CYP7A1: variants seen among roughly 807,000 people sequenced by gnomAD.
CYP7A1 encodes cytochrome P450 7A1.
CYP7A1 carries 28 observed loss-of-function variants against 43.8 expected under a neutral mutation model. The ratio of observed to expected loss-of-function variants is 0.64; its 90% CI spans 0.47 to 0.88. CYP7A1 has a LOEUF of 0.88. Ranked by LOEUF, CYP7A1 falls within the 40% of genes least tolerant of loss-of-function variation. CYP7A1 has a pLI of 0.00. For synonymous variants in CYP7A1, 227 were observed against 222.5 expected, an observed-to-expected ratio of 1.02 and a Z score of -0.18; for missense variants, 637 against 611.9, an observed-to-expected ratio of 1.04 and a Z score of -0.43.
rs746243515 is a variant in CYP7A1 at position 58,498,262 on chromosome 8, A to G, written c.288T>C (p.Asp96=). 2 of 1,614,054 alleles carry G rather than the reference A, an allele frequency of 1.2e-6. No individual in the cohort carries two copies. The highest frequency in any genetic ancestry group is 1.7e-6 in the Non-Finnish European group (2 of 1,180,018). Residue 96 remains aspartate (D), a synonymous_variant, in exon 2 of 6, where the codon GAT becomes GAC. Transcript: ENST00000301645. ...AAGTAGCAAAGTGAAATTTTTTCCA[A>G]TCAAAATATTTTCCGTGGCACAACA... ...HKVLCHGKYF[D]WKKFHFATSA...
At chr8:58,495,256 T>C (rs1319171378) in intron 3 of CYP7A1, among the ~76,000 whole-genome samples, 4 of 148,908 alleles carry the variant, frequency 2.7e-5, no homozygotes, top group African/African-American at 7.4e-5. Flanking sequence ...GACGGAGTCT[T>C]GCTCTGTCGC....
At chr8:58,497,849 A>G (rs1809471232) in intron 2 of CYP7A1, among the ~76,000 whole-genome samples, 1 of 152,216 alleles carries the variant, frequency 6.6e-6, no homozygotes, top group African/African-American at 2.4e-5. Context: ...AAAATGAAAC[A>G]CTGTGTGGCA....
intron 2 of CYP7A1, among the ~76,000 whole-genome samples, chr8:58,497,997 C>T (rs758185035): frequency 2.6e-5 from 4 of 152,298 alleles, no homozygotes; most frequent in Non-Finnish European, 2.9e-5. Context: ...ATCTGTATTT[C>T]ACCCTCATTA....
At position 58,496,983 on chromosome 8, in the gene CYP7A1, G is replaced by C; in HGVS notation, c.529C>G (p.Arg177Gly). ...AAATACCCAGCTTCAAACATCACTC[G>C]GTAGCAGAAAGAATACATCCCTTCT... is the stretch of plus-strand genomic sequence containing the variant. The part of the protein sequence containing the change: ...VTEGMYSFCY[R>G]VMFEAGYLTI... The change falls in exon 3 of 6, where the codon CGA (arginine) becomes GGA (glycine). Residue 177 changes from arginine to glycine, a missense_variant. By Grantham distance (125) the Arg-to-Gly change is moderately radical. Transcript: ENST00000301645. The C allele has an allele frequency of 6.8e-6, 11 of 1,614,006 alleles. No homozygotes were observed. The highest frequency in any genetic ancestry group is 9.3e-6 in the Non-Finnish European group (11 of 1,180,012).
At chr8:58,499,219 G>A (rs938546888) in intron 1 of CYP7A1, among the ~76,000 whole-genome samples, 6 of 152,218 alleles carry the variant, frequency 3.9e-5, no homozygotes, top group African/African-American at 1.4e-4. Flanking sequence ...TTAATTAAAA[G>A]TAAAAACTAT....
In CYP7A1 at chr8:58,490,229, G is replaced by A. The variant is rs1802810460; in HGVS notation, c.*1246C>T. On this transcript the variant is annotated 3_prime_UTR_variant, in exon 6 of 6. Coordinates refer to ENST00000301645, the MANE Select transcript of CYP7A1 (RefSeq NM_000780.4). ...ATGAATCATTTCAAAATTATCAAAT[G>A]TTAGAATATTTTCTTAATATTTGTA... The A allele has an allele frequency of 6.6e-6, 1 of 152,054 alleles. No individual in the cohort carries two copies. Among genetic ancestry groups the A allele is most frequent in the Non-Finnish European group, 1.5e-5 (1 of 68,002 alleles). The allele number at this position is 152,054 out of a possible 1,614,324, so 9.4% of individuals were successfully genotyped here.
intron 1 of CYP7A1, among the ~76,000 whole-genome samples, 188 bp downstream of exon 1, chr8:58,499,831 A>T (rs980538720): frequency 6.6e-6 from 1 of 152,306 alleles, no homozygotes; most frequent in Admixed American, 6.5e-5. Flanking sequence ...GGAAGCTGTC[A>T]TATGTCTTGT....
chr8:58,491,379 ACCAC>A lies in CYP7A1; in HGVS notation c.*92_*95del. 1 of 1,146,618 alleles carries A rather than the reference ACCAC, an allele frequency of 8.7e-7. No homozygotes were observed. The allele number at this position is 1,146,618 out of a possible 1,614,324, so 71.0% of individuals were successfully genotyped here. On this transcript the variant is annotated 3_prime_UTR_variant, in exon 6 of 6. Coordinates refer to ENST00000301645, the MANE Select transcript of CYP7A1 (RefSeq NM_000780.4). ...ACATTGGACCTGGTGAATCATTTCT[ACCAC>A]CACTAAATGCATTTGTCCAAAGGGA...
chr8:58,499,909 ATAATGC>A, intron 1 of CYP7A1, 104 bp downstream of exon 1: 1 of 753,432 alleles, frequency 1.3e-6, no homozygotes, highest in South Asian at 1.6e-5. Context: ...AATAAGGAAG[ATAATGC>A]TAATATGTGT....
intron 1 of CYP7A1, among the ~76,000 whole-genome samples, chr8:58,499,081 A>G (rs948527763): frequency 1.7e-4 from 26 of 152,232 alleles, no homozygotes; most frequent in Non-Finnish European, 2.6e-4. Context: ...ATTGTAATTC[A>G]GTGCTCCTTT....
Position 58,491,182 on chromosome 8 carries a change from C to T in CYP7A1, c.*293G>A. The T allele has an allele frequency of 2.7e-6, 1 of 368,576 alleles. No homozygotes were observed. Among genetic ancestry groups the T allele is most frequent in the Non-Finnish European group, 4.9e-6 (1 of 202,842 alleles). The allele number at this position is 368,576 out of a possible 1,614,324, so 22.8% of individuals were successfully genotyped here. A position where few individuals can be genotyped will look rare whatever the true frequency, so the allele number is the denominator to read the frequency against. ...AAAAAAATAAAATAAAGGTGTTTTC[C>T]TTTGAAAATAATAAACTTCAATCCC... On this transcript the variant is annotated 3_prime_UTR_variant, in exon 6 of 6. Transcript: ENST00000301645.
intron 1 of CYP7A1, among the ~76,000 whole-genome samples, chr8:58,498,788 A>T (rs1264227913): frequency 2.6e-5 from 4 of 152,162 alleles, no homozygotes; most frequent in Non-Finnish European, 2.9e-5. Context: ...GACCAACAAG[A>T]TTCTTGTTGT....
rs1348725096 is a variant in CYP7A1, at chr8:58,491,107, C to T, written c.*368G>A. 1.6e-5 allele frequency: 4 copies of T among 248,176 alleles called. No homozygotes were observed. In the East Asian group the frequency reaches 3.7e-4, roughly 23 times the overall value. The allele number at this position is 248,176 out of a possible 1,614,324, so 15.4% of individuals were successfully genotyped here. A position where few individuals can be genotyped will look rare whatever the true frequency, so the allele number is the denominator to read the frequency against. ...TCTTTGGCCTCTCGAGTAGCTAAGACTACAGGTGCCTGCTACCACACCTGG... is the reference window on the plus strand; with the variant it reads ...TCTTTGGCCTCTCGAGTAGCTAAGATTACAGGTGCCTGCTACCACACCTGG... On this transcript the variant is annotated 3_prime_UTR_variant, in exon 6 of 6. Coordinates refer to ENST00000301645, the MANE Select transcript of CYP7A1 (RefSeq NM_000780.4).
rs1809347278 is a variant in CYP7A1, at chr8:58,491,340, A to G, written c.*135T>C. ...ACCAAAATGTTAAGATTCACAAGCA[A>G]GCACTGGTGAACAACATTGGACCTG... On this transcript the variant is annotated 3_prime_UTR_variant, in exon 6 of 6. Transcript: ENST00000301645. 1 of 816,940 alleles carries G rather than the reference A, an allele frequency of 1.2e-6. No individual in the cohort carries two copies. The highest frequency in any genetic ancestry group is 2.2e-5 in the Admixed American group (1 of 45,708). The allele number at this position is 816,940 out of a possible 1,614,324, so 50.6% of individuals were successfully genotyped here.
At chr8:58,494,689 A>G in intron 3 of CYP7A1, 53 bp from the exon 4 acceptor site, 1 of 1,574,882 alleles carries the variant, frequency 6.3e-7, no homozygotes, top group South Asian at 1.1e-5. Flanking sequence ...CTTTTTCCAT[A>G]CTTTGAGATC....
At position 58,492,447 on chromosome 8, in the gene CYP7A1, A is replaced by G. The variant is rs1232031956; in HGVS notation, c.1121T>C (p.Leu374Pro). 2.5e-6 allele frequency: 4 copies of G among 1,613,954 alleles called. No homozygotes were observed. In the African/African-American group the frequency reaches 5.3e-5, roughly 22 times the overall value. The stretch of plus-strand genomic sequence containing the variant: ...TCGGATGTTGTAGGAACCGTCCTCA[A>G]GGTGCAAAGTGAAATCCTCCTTAGC... ...RTAKEDFTLH[L>P]EDGSYNIRKD... The change falls in exon 5 of 6, where the codon CTT becomes CCT. Residue 374 changes from leucine (L) to proline (P), a missense_variant. Transcript: ENST00000301645.
rs1289034275 is a variant in CYP7A1, at chr8:58,491,325, T to G, written c.*150A>C. ...CATCTGGAAACTGTCACCAAAATGTTAAGATTCACAAGCAAGCACTGGTGA... is the reference window on the plus strand; with the variant it reads ...CATCTGGAAACTGTCACCAAAATGTGAAGATTCACAAGCAAGCACTGGTGA... On this transcript the variant is annotated 3_prime_UTR_variant, in exon 6 of 6. Coordinates refer to ENST00000301645, the MANE Select transcript of CYP7A1 (RefSeq NM_000780.4). The G allele has an allele frequency of 1.3e-6, 1 of 744,430 alleles. No individual in the cohort carries two copies. Among genetic ancestry groups the G allele is most frequent in the Non-Finnish European group, 2.2e-6 (1 of 448,776 alleles). 46.1% of individuals were successfully genotyped at this position (744,430 alleles called of 1,614,324 possible).
intron 4 of CYP7A1, among the ~76,000 whole-genome samples, chr8:58,492,954 A>G (rs1585641425): frequency 1.3e-5 from 2 of 152,126 alleles, no homozygotes; most frequent in East Asian, 3.8e-4. Flanking sequence ...TATTGTTTGC[A>G]GAGACAGGGT....
chr8:58,491,342 C>G lies in CYP7A1; in HGVS notation c.*133G>C. 1 of 825,304 alleles carries G rather than the reference C, an allele frequency of 1.2e-6. No homozygotes were observed. The highest frequency in any genetic ancestry group is 2.0e-6 in the Non-Finnish European group (1 of 509,370). 51.1% of individuals were successfully genotyped at this position (825,304 alleles called of 1,614,324 possible). On this transcript the variant is annotated 3_prime_UTR_variant, in exon 6 of 6. Transcript: ENST00000301645. The stretch of plus-strand genomic sequence containing the variant: ...CAAAATGTTAAGATTCACAAGCAAG[C>G]ACTGGTGAACAACATTGGACCTGGT...
Sources: allele counts gnomAD v4.1 joint callset (sites outside exome capture counted in the v4.1 genomes callset), GRCh38; gene constraint gnomAD v4.1.1; transcripts MANE v1.5; gene names NCBI Gene and HGNC (gene_info 2026-07-23, HGNC 2026-07-21).